TNIK: variants seen among roughly 807,000 people sequenced by gnomAD.
The protein encoded by TNIK is TRAF2 and NCK interacting kinase.
In TNIK, 49 loss-of-function variants were observed where a neutral mutation model predicts 191.3. The ratio of observed to expected loss-of-function variants is 0.26; its 90% CI spans 0.20 to 0.32. The LOEUF is 0.32. Ranked by LOEUF, TNIK falls within the 10% of genes least tolerant of loss-of-function variation. The pLI is 1.00. For synonymous variants in TNIK, 594 were observed against 600.9 expected, an observed-to-expected ratio of 0.99 and a Z score of 0.17; for missense variants, 1,155 against 1,702.3, an observed-to-expected ratio of 0.68 and a Z score of 5.66.
intron 3 of TNIK, among the ~76,000 whole-genome samples, chr3:171,214,900 T>C (rs1458965882): frequency 6.6e-6 from 1 of 152,166 alleles, no homozygotes; most frequent in African/African-American, 2.4e-5. Flanking sequence ...AAGAAGATAA[T>C]ATTATTTCTC....
intron 1 of TNIK, among the ~76,000 whole-genome samples, chr3:171,418,270 C>A (rs938506734): frequency 6.6e-6 from 1 of 152,146 alleles, no homozygotes; most frequent in East Asian, 1.9e-4. Context: ...ATTTTGAGTA[C>A]CCTGGCAACT....
At chr3:171,346,978 G>A in intron 2 of TNIK, 1 of 610,556 alleles carries the variant, frequency 1.6e-6, no homozygotes, top group South Asian at 2.7e-5. Context: ...CTGCACAGTA[G>A]GAATGTAGGG....
rs574048081 is a variant in TNIK, at chr3:171,262,685, G to A, written c.124-34464C>T. 1.1e-4 allele frequency among the ~76,000 whole-genome samples: 16 copies of A among 152,316 alleles called. No individual in the cohort carries two copies. In the South Asian group the frequency reaches 2.5e-3, roughly 24 times the overall value. ...AAGAACTGCAAAAAAATGCCAGTTC[G>A]TTTTTTACTAAGCAGTCAGTTGCCT... On this transcript the variant is annotated intron_variant, in intron 2 of 32. Coordinates refer to ENST00000436636, the MANE Select transcript of TNIK (RefSeq NM_015028.4).
intron 2 of TNIK, among the ~76,000 whole-genome samples, chr3:171,340,977 G>A (rs1757442184): frequency 6.6e-6 from 1 of 151,918 alleles, no homozygotes; most frequent in African/African-American, 2.4e-5. Context: ...CTGAAAGGAT[G>A]GAAGAAGAGA....
At chr3:171,189,948 T>C (rs760769852) in intron 6 of TNIK, among the ~76,000 whole-genome samples, 33 of 152,074 alleles carry the variant, frequency 2.2e-4, no homozygotes, top group Non-Finnish European at 4.0e-4. Context: ...GAAGAGCAAA[T>C]GTTTGGGATA....
chr3:171,300,594 T>G (rs370479125), intron 2 of TNIK, among the ~76,000 whole-genome samples: 2 of 152,320 alleles, frequency 1.3e-5, no homozygotes, highest in East Asian at 1.9e-4. Flanking sequence ...AAATGCTGCA[T>G]GCTGATAAAA....
At chr3:171,303,716 G>A (rs189922286) in intron 2 of TNIK, among the ~76,000 whole-genome samples, 2 of 152,198 alleles carry the variant, frequency 1.3e-5, no homozygotes, top group East Asian at 3.9e-4. Flanking sequence ...TGTCAAACAT[G>A]TATATTTCAC....
intron 12 of TNIK, 22 bp from the exon 13 acceptor site, chr3:171,140,531 A>G (rs755575656): frequency 9.9e-6 from 16 of 1,611,600 alleles, no homozygotes; most frequent in Middle Eastern, 1.6e-4. Context: ...CAAGCAGACA[A>G]CCATGAAGGC....
chr3:171,452,771 CAT>C (rs149266787), intron 1 of TNIK, among the ~76,000 whole-genome samples: 18 of 141,162 alleles, frequency 1.3e-4, no homozygotes, highest in Admixed American at 6.4e-4. Flanking sequence ...CACACACACA[CAT>C]ACGCCTTGCA....
intron 3 of TNIK, among the ~76,000 whole-genome samples, chr3:171,220,013 C>T (rs1219233861): frequency 4.6e-5 from 7 of 152,108 alleles, no homozygotes; most frequent in Non-Finnish European, 1.0e-4. Context: ...CAATGATAGA[C>T]TGGATAAAGA....
intron 1 of TNIK, among the ~76,000 whole-genome samples, chr3:171,440,032 T>A (rs1726572076): frequency 6.6e-6 from 1 of 152,234 alleles, no homozygotes; most frequent in Admixed American, 6.5e-5. Context: ...GTACATAATA[T>A]GACAGTGTCC....
intron 1 of TNIK, among the ~76,000 whole-genome samples, chr3:171,411,704 G>A (rs887188675): frequency 5.9e-5 from 9 of 152,100 alleles, no homozygotes; most frequent in African/African-American, 2.2e-4. Flanking sequence ...TTTAAATCAG[G>A]ATGAGAAATC....
intron 7 of TNIK, among the ~76,000 whole-genome samples, chr3:171,184,948 G>C (rs1737172319): frequency 6.6e-6 from 1 of 151,942 alleles, no homozygotes; most frequent in Non-Finnish European, 1.5e-5. Context: ...AACAACATTG[G>C]CACAGATCAG....
At chr3:171,283,910 A>G (rs1015080129) in intron 2 of TNIK, among the ~76,000 whole-genome samples, 17 of 152,028 alleles carry the variant, frequency 1.1e-4, no homozygotes, top group African/African-American at 3.9e-4. Flanking sequence ...AAGGTCTTTC[A>G]GGTGGGTATA....
At chr3:171,163,054 C>A (rs1040872661) in intron 10 of TNIK, among the ~76,000 whole-genome samples, 2 of 152,298 alleles carry the variant, frequency 1.3e-5, no homozygotes, top group East Asian at 3.9e-4. Context: ...GAAAAGGACA[C>A]TCTAAGCAAC....
intron 1 of TNIK, among the ~76,000 whole-genome samples, chr3:171,415,073 C>T (rs970590646): frequency 2.6e-5 from 4 of 152,108 alleles, no homozygotes; most frequent in African/African-American, 4.8e-5. Flanking sequence ...TTGCCCAACC[C>T]GCTGCCTGGC....
At chr3:171,356,027 A>G (rs528898864) in intron 2 of TNIK, among the ~76,000 whole-genome samples, 41 of 152,272 alleles carry the variant, frequency 2.7e-4, no homozygotes, top group African/African-American at 9.9e-4. Flanking sequence ...AAAAGTACAA[A>G]TTATACACCT....
chr3:171,428,795 C>T (rs1453606827), intron 1 of TNIK, among the ~76,000 whole-genome samples: 2 of 152,158 alleles, frequency 1.3e-5, no homozygotes, highest in Non-Finnish European at 2.9e-5. Context: ...TCCTGATTTA[C>T]ATGTGATGGC....
chr3:171,065,884 G>A lies in TNIK; in HGVS notation c.3999+303C>T, dbSNP rs113571072. 2.1e-3 allele frequency among the ~76,000 whole-genome samples: 324 copies of A among 152,298 alleles called. 1 individual carries two copies. Among genetic ancestry groups the A allele is most frequent in the Middle Eastern group, 0.014 (4 of 294 alleles). On this transcript the variant is annotated intron_variant, in intron 32 of 32. Transcript: ENST00000436636. Reference sequence around the variant, plus strand: ...GACCCACTGTGAGATGATTAATGATGGGCCAACTGCTCTAAGTGCTTAGGA... The same window carrying A: ...GACCCACTGTGAGATGATTAATGATAGGCCAACTGCTCTAAGTGCTTAGGA...
Sources: gnomAD v4.1 joint callset for allele counts (sites outside exome capture counted in the v4.1 genomes callset) on GRCh38, gnomAD v4.1.1 for gene constraint, MANE v1.5 for transcripts, NCBI Gene and HGNC (gene_info 2026-07-23, HGNC 2026-07-21) for gene names.